Variants in SKAP2 observed in about 807,000 individuals in gnomAD.
The protein encoded by SKAP2 is src kinase associated phosphoprotein 2, also known as src kinase-associated phosphoprotein 2.
Under a neutral mutation model 54.9 loss-of-function variants are expected in SKAP2, and 28 were observed. That is an observed-to-expected ratio of 0.51 (90% CI 0.38 to 0.70). SKAP2 has a LOEUF of 0.70. SKAP2 is among the 30% of genes least tolerant of loss of function. The pLI, the probability that SKAP2 is intolerant of heterozygous loss-of-function variation, is 0.00. For synonymous variants in SKAP2, 137 were observed against 134.3 expected, an observed-to-expected ratio of 1.02 and a Z score of -0.14; for missense variants, 356 against 424.1, an observed-to-expected ratio of 0.84 and a Z score of 1.41.
At chr7:26,800,240 T>C (rs758243067) in intron 4 of SKAP2, among the ~76,000 whole-genome samples, 1 of 152,142 alleles carries the variant, frequency 6.6e-6, no homozygotes, top group Non-Finnish European at 1.5e-5. Context: ...CACAAATGCA[T>C]GGAAATTAAA....
chr7:26,688,965 G>A lies in SKAP2; in HGVS notation c.874+1320C>T, dbSNP rs142829301. 1.4e-4 allele frequency among the ~76,000 whole-genome samples: 21 copies of A among 152,214 alleles called. No individual in the cohort carries two copies. In the East Asian group the frequency reaches 4.1e-3, roughly 29 times the overall value. ...AACATAGTCCTCAAGGTTTCACTAAGCCTCAGTGTTTTATAGCTTCATTTT... is the reference window on the plus strand; with the variant it reads ...AACATAGTCCTCAAGGTTTCACTAAACCTCAGTGTTTTATAGCTTCATTTT... On this transcript the variant is annotated intron_variant, in intron 10 of 12. Coordinates refer to ENST00000345317, the MANE Select transcript of SKAP2 (RefSeq NM_003930.5).
intron 10 of SKAP2, 119 bp downstream of exon 10, chr7:26,690,166 A>G: frequency 1.4e-6 from 1 of 702,794 alleles, no homozygotes; most frequent in Non-Finnish European, 2.5e-6. Context: ...AAGATATCCA[A>G]GCCAAAAATG....
At chr7:26,716,032 T>C (rs577490227) in intron 9 of SKAP2, among the ~76,000 whole-genome samples, 113 of 152,356 alleles carry the variant, frequency 7.4e-4, no homozygotes, top group African/African-American at 2.5e-3. Flanking sequence ...ACAGATTCAG[T>C]GTAATTTGTT....
intron 4 of SKAP2, among the ~76,000 whole-genome samples, chr7:26,782,267 G>A (rs878959909): frequency 6.6e-6 from 1 of 152,158 alleles, no homozygotes; most frequent in South Asian, 2.1e-4. Flanking sequence ...ATATAAGGTA[G>A]TGATAAACCT....
chr7:26,862,006 G>A (rs1785281043), intron 1 of SKAP2, among the ~76,000 whole-genome samples: 1 of 151,886 alleles, frequency 6.6e-6, no homozygotes. Context: ...TGCATTCTAA[G>A]AGCACTCAAC....
At chr7:26,816,583 T>A in intron 4 of SKAP2, among the ~76,000 whole-genome samples, 1 of 152,184 alleles carries the variant, frequency 6.6e-6, no homozygotes, top group African/African-American at 2.4e-5. Context: ...ATATTAAAAA[T>A]AAGAAAATTC....
intron 3 of SKAP2, among the ~76,000 whole-genome samples, chr7:26,847,282 C>T (rs1007757077): frequency 1.3e-5 from 2 of 152,024 alleles, no homozygotes; most frequent in Non-Finnish European, 2.9e-5. Flanking sequence ...AAGGACACAT[C>T]ATTTTTCAAG....
chr7:26,726,829 TG>T, intron 7 of SKAP2, 52 bp downstream of exon 7: 1 of 1,462,722 alleles, frequency 6.8e-7, no homozygotes, highest in Non-Finnish European at 9.3e-7. Flanking sequence ...TCTCTATAAA[TG>T]AAATCAAAAC....
intron 4 of SKAP2, among the ~76,000 whole-genome samples, chr7:26,824,362 A>T (rs1364607712): frequency 6.6e-6 from 1 of 152,214 alleles, no homozygotes; most frequent in East Asian, 1.9e-4. Flanking sequence ...TTGGAAAAAG[A>T]GGGTGCATCC....
At chr7:26,656,256 A>G in the SKAP2 span, among the ~76,000 whole-genome samples, 4 of 152,190 alleles carry the variant, frequency 2.6e-5, no homozygotes, top group Admixed American at 1.3e-4. Flanking sequence ...GCACTAATTA[A>G]ATGGCTTCCC....
intron 3 of SKAP2, among the ~76,000 whole-genome samples, chr7:26,848,849 A>T (rs1244919317): frequency 1.3e-5 from 2 of 152,164 alleles, no homozygotes; most frequent in Non-Finnish European, 2.9e-5. Flanking sequence ...TCTCCTCATA[A>T]TTCTTCTACA....
chr7:26,761,769 A>G (rs1782935488), intron 4 of SKAP2, among the ~76,000 whole-genome samples: 1 of 152,160 alleles, frequency 6.6e-6, no homozygotes, highest in Non-Finnish European at 1.5e-5. Flanking sequence ...GCATGGTGGC[A>G]CACATCTGTA....
intron 3 of SKAP2, among the ~76,000 whole-genome samples, chr7:26,847,046 G>A (rs10252275): frequency 0.039 from 5,920 of 152,044 alleles, 367 homozygotes; most frequent in African/African-American, 0.13. Context: ...AAATGAAATT[G>A]TCTTCAACTT....
chr7:26,791,133 GT>G (rs1783666588), intron 4 of SKAP2, among the ~76,000 whole-genome samples: 1 of 152,140 alleles, frequency 6.6e-6, no homozygotes, highest in Admixed American at 6.6e-5. Context: ...GGAGACATGT[GT>G]TGCTTCAGCC....
chr7:26,820,705 T>C (rs28404962), intron 4 of SKAP2, among the ~76,000 whole-genome samples: 32,323 of 152,136 alleles, frequency 0.21, 3,517 homozygotes, highest in Non-Finnish European at 0.24. Context: ...AAGTTGAATA[T>C]TAAATCATAA....
chr7:26,694,907 T>G (rs957850651), intron 9 of SKAP2, among the ~76,000 whole-genome samples: 3 of 152,138 alleles, frequency 2.0e-5, no homozygotes, highest in African/African-American at 7.2e-5. Context: ...CAAATCTGTC[T>G]AGCTATGCAG....
rs550906182 is a variant in SKAP2 at position 26,813,723 on chromosome 7, G to T, written c.307+30307C>A. ...CACCATCACCATTAGCCACTACTCA[G>T]TGTATTCCATCAACCAATGGCAATA... is the stretch of plus-strand genomic sequence containing the variant. On this transcript the variant is annotated intron_variant, in intron 4 of 12. Coordinates refer to ENST00000345317, the MANE Select transcript of SKAP2 (RefSeq NM_003930.5). 5.6e-4 allele frequency among the ~76,000 whole-genome samples: 85 copies of T among 152,318 alleles called. 1 individual carries two copies. Among genetic ancestry groups the T allele is most frequent in the African/African-American group, 1.9e-3 (80 of 41,564 alleles).
chr7:26,676,758 A>C (rs917797554), intron 11 of SKAP2, among the ~76,000 whole-genome samples: 1 of 152,246 alleles, frequency 6.6e-6, no homozygotes, highest in Admixed American at 6.5e-5. Context: ...AGAAACAGGT[A>C]ATCATTATAT....
chr7:26,752,486 A>G (rs1782707554), intron 4 of SKAP2, among the ~76,000 whole-genome samples: 1 of 152,160 alleles, frequency 6.6e-6, no homozygotes, highest in Non-Finnish European at 1.5e-5. Flanking sequence ...TAACTCCCAA[A>G]AGCTTTGTTA....
Sources: allele counts gnomAD v4.1 joint callset (sites outside exome capture counted in the v4.1 genomes callset), GRCh38; gene constraint gnomAD v4.1.1; transcripts MANE v1.5; gene names NCBI Gene and HGNC (gene_info 2026-07-23, HGNC 2026-07-21).